CA7: variants seen among roughly 807,000 people sequenced by gnomAD.
The protein encoded by CA7 is carbonic anhydrase 7.
In CA7, 13 loss-of-function variants were observed where a neutral mutation model predicts 31.4. The ratio of observed to expected loss-of-function variants is 0.41; its 90% CI spans 0.27 to 0.66. The LOEUF (loss-of-function observed/expected upper bound fraction) is 0.66. Ranked by LOEUF, CA7 falls within the 30% of genes least tolerant of loss-of-function variation. The pLI is 0.28. For synonymous variants in CA7, 128 were observed against 133.2 expected (o/e 0.96, Z 0.27); for missense variants, 215 against 351.0 (o/e 0.61, Z 3.10).
chr16:66,851,830 C>A, intron 5 of CA7, 104 bp downstream of exon 5: 1 of 1,027,066 alleles, frequency 9.7e-7, no homozygotes, highest in South Asian at 1.4e-5. Flanking sequence ...TAAACCCTTG[C>A]TGAGACCAAG....
intron 2 of CA7, among the ~76,000 whole-genome samples, chr16:66,848,198 G>GA (rs1960967616): frequency 1.3e-5 from 2 of 152,250 alleles, no homozygotes; most frequent in African/African-American, 2.4e-5. Flanking sequence ...GGTAGGCTAG[G>GA]AAAAAACAGA....
chr16:66,850,351 G>A (rs924426944), intron 2 of CA7, among the ~76,000 whole-genome samples, 190 bp from the exon 3 acceptor site: 14 of 152,040 alleles, frequency 9.2e-5, no homozygotes, highest in Non-Finnish European at 1.3e-4. Flanking sequence ...CAAGACAGGA[G>A]GATGGCTTGA....
At chr16:66,844,968 C>A (rs997335858) in intron 1 of CA7, 1 of 997,470 alleles carries the variant, frequency 1.0e-6, no homozygotes, top group Non-Finnish European at 1.2e-6. Flanking sequence ...AGCGGGGCTC[C>A]GCGTGGCAAG....
intron 3 of CA7, 36 bp downstream of exon 3, chr16:66,850,695 A>T: frequency 2.1e-6 from 3 of 1,427,680 alleles, no homozygotes; most frequent in Non-Finnish European, 3.0e-6. Flanking sequence ...CCTCTGCTAC[A>T]TGGGAAGGAA....
chr16:66,851,548 T>C lies in CA7; in HGVS notation c.443T>C (p.Val148Ala), dbSNP rs1961051626. The change falls in exon 4 of 7, where the codon GTT becomes GCT. Residue 148 changes from valine (V) to alanine (A), a missense_variant. Val to Ala is a moderately conservative substitution (Grantham distance 64). Coordinates refer to ENST00000338437, the MANE Select transcript of CA7 (RefSeq NM_005182.3). ...SAPDGLAVVG[V>A]FLETGDEHPS... ...CCTGATGGCCTGGCTGTGGTTGGTG[T>C]TTTTTTGGAGGTGAGTGGTGGTTTG... is the stretch of plus-strand genomic sequence containing the variant. 2 of 1,613,738 alleles carry C rather than the reference T, an allele frequency of 1.2e-6. No individual in the cohort carries two copies. Among genetic ancestry groups the C allele is most frequent in the African/African-American group, 1.3e-5 (1 of 74,908 alleles).
chr16:66,847,270 C>A (rs1180354173), intron 2 of CA7, 43 bp downstream of exon 2: 1 of 1,569,400 alleles, frequency 6.4e-7, no homozygotes, highest in South Asian at 1.1e-5. Flanking sequence ...CCCCTGGCCC[C>A]TTAGGGTCCT....
chr16:66,850,508 A>G, intron 2 of CA7, 33 bp from the exon 3 acceptor site: 10 of 1,223,072 alleles, frequency 8.2e-6, no homozygotes, highest in Non-Finnish European at 1.2e-5. Flanking sequence ...GTCCTCTCCT[A>G]CTCATTGCCA....
chr16:66,844,829 TC>T, intron 1 of CA7: 1 of 917,760 alleles, frequency 1.1e-6, no homozygotes, highest in Non-Finnish European at 1.4e-6. Flanking sequence ...GCCCAGACTC[TC>T]ACTCACTCGC....
At chr16:66,848,039 G>A (rs902525149) in intron 2 of CA7, among the ~76,000 whole-genome samples, 1 of 152,080 alleles carries the variant, frequency 6.6e-6, no homozygotes, top group African/African-American at 2.4e-5. Flanking sequence ...TTAATAACTG[G>A]TTCCTTCCTC....
At chr16:66,847,325 G>A (rs1435737285) in intron 2 of CA7, 98 bp downstream of exon 2, 14 of 1,062,344 alleles carry the variant, frequency 1.3e-5, no homozygotes, top group Admixed American at 2.0e-5. Flanking sequence ...TGGTGGGTAA[G>A]AAAGGTTCCT....
chr16:66,852,279 A>C (rs1961072454), intron 5 of CA7, among the ~76,000 whole-genome samples: 1 of 152,080 alleles, frequency 6.6e-6, no homozygotes, highest in Non-Finnish European at 1.5e-5. Flanking sequence ...CCTGGCTAAC[A>C]TGGTGAAACC....
intron 3 of CA7, 66 bp downstream of exon 3, chr16:66,850,725 G>A (rs1414140010): frequency 8.3e-7 from 1 of 1,198,028 alleles, no homozygotes; most frequent in African/African-American, 1.5e-5. Flanking sequence ...GGGTAGTCAG[G>A]GGCTTGAGGA....
intron 2 of CA7, among the ~76,000 whole-genome samples, chr16:66,849,275 G>T (rs536702130): frequency 1.3e-5 from 2 of 152,188 alleles, no homozygotes; most frequent in South Asian, 2.1e-4. Flanking sequence ...GGCCATTTCT[G>T]GGGGAGGCGG....
rs962115197 is a variant in CA7 at position 66,850,754 on chromosome 16, G to A, written c.357+95G>A. ...TTGAGGATGCCTGGGGTCGGGCCTT[G>A]GAGAGGGGGAAGAGGAGCACCCGGG... On this transcript the variant is annotated intron_variant, in intron 3 of 6. Coordinates refer to ENST00000338437, the MANE Select transcript of CA7 (RefSeq NM_005182.3). The A allele has an allele frequency of 1.1e-5, 10 of 913,920 alleles. No homozygotes were observed. In the Admixed American group the frequency reaches 1.8e-4, roughly 16 times the overall value. 56.6% of individuals were successfully genotyped at this position (913,920 alleles called of 1,614,324 possible).
At position 66,853,471 on chromosome 16, in the gene CA7, C is replaced by T. The variant is rs140875572; in HGVS notation, c.768C>T (p.Arg256=). Residue 256 remains arginine (R), a synonymous_variant, in exon 7 of 7, where the codon CGC becomes CGT. Coordinates refer to ENST00000338437, the MANE Select transcript of CA7 (RefSeq NM_005182.3). This position sits in a 1 kb window ranked among gnomAD's most constrained non-coding sequence, Gnocchi z 4.5. The part of the protein sequence containing the change: ...NFRPPQPLKG[R]VVKASFRA The stretch of plus-strand genomic sequence containing the variant: ...GGCCACCACAGCCACTGAAGGGCCG[C>T]GTGGTAAAGGCCTCCTTCCGGGCCT... 1.5e-5 allele frequency: 24 copies of T among 1,614,040 alleles called. No individual in the cohort carries two copies. The highest frequency in any genetic ancestry group is 1.7e-5 in the Admixed American group (1 of 60,000).
Position 66,851,660 on chromosome 16 carries a change from A to C in CA7, c.454-4A>C, listed in dbSNP as rs780613658. 3 of 1,614,076 alleles carry C rather than the reference A, an allele frequency of 1.9e-6. No homozygotes were observed. In the South Asian group the frequency reaches 3.3e-5, roughly 18 times the overall value. On this transcript the variant is annotated splice_polypyrimidine_tract_variant and splice_region_variant and intron_variant, in intron 4 of 6. Coordinates refer to ENST00000338437, the MANE Select transcript of CA7 (RefSeq NM_005182.3). ...CTGGGCTCACACTGCCCTCTCCCTG[A>C]CAGACAGGAGACGAGCACCCCAGCA...
chr16:66,844,866 T>C, intron 1 of CA7: 1 of 1,045,868 alleles, frequency 9.6e-7, no homozygotes, highest in African/African-American at 1.7e-5. Context: ...CGCGTGGGGG[T>C]GGCCCAGGGC....
intron 2 of CA7, 83 bp downstream of exon 2, chr16:66,847,310 T>A (rs982006624): frequency 8.0e-7 from 1 of 1,253,438 alleles, no homozygotes; most frequent in African/African-American, 1.5e-5. Context: ...TCAGGAAGCA[T>A]GCTATGGTGG....
At chr16:66,844,799 C>T (rs896646412) in intron 1 of CA7, 35 of 817,850 alleles carry the variant, frequency 4.3e-5, no homozygotes, top group African/African-American at 5.4e-5. Context: ...CCCCTGATTG[C>T]CCAGCCCGCT....
Sources: allele counts gnomAD v4.1 joint callset (sites outside exome capture counted in the v4.1 genomes callset), GRCh38; gene constraint gnomAD v4.1.1; non-coding constraint Gnocchi (gnomAD v3.1); transcripts MANE v1.5; gene names NCBI Gene and HGNC (gene_info 2026-07-23, HGNC 2026-07-21).